Variants in ZFHX3 observed in about 807,000 individuals in gnomAD.
The protein encoded by ZFHX3 is zinc finger homeobox protein 3.
Under a neutral mutation model 279.1 loss-of-function variants are expected in ZFHX3, and 42 were observed. That is an observed-to-expected ratio of 0.15 (90% CI 0.12 to 0.19). The LOEUF (loss-of-function observed/expected upper bound fraction) is 0.19, where lower values mean the gene tolerates loss of function less well. Among genes scored for constraint, ZFHX3 ranks in the 10% least tolerant of loss-of-function variants. ZFHX3 has a pLI of 1.00. For synonymous variants in ZFHX3, 2,293 were observed against 1,957.8 expected (o/e 1.17, Z -4.52); for missense variants, 4,981 against 4,754.0 (o/e 1.05, Z -1.40).
intron 3 of ZFHX3, among the ~76,000 whole-genome samples, chr16:72,910,900 T>C (rs2039300696): frequency 6.6e-6 from 1 of 152,180 alleles, no homozygotes; most frequent in Non-Finnish European, 1.5e-5. Context: ...CCACACCAGT[T>C]ACCCACTTCT....
intron 3 of ZFHX3, among the ~76,000 whole-genome samples, chr16:73,360,062 G>T (rs1163054596): frequency 6.6e-6 from 1 of 152,168 alleles, no homozygotes; most frequent in Non-Finnish European, 1.5e-5. Flanking sequence ...TTTGAATCCT[G>T]AGTTATCACT....
At position 72,797,772 on chromosome 16, in the gene ZFHX3, T is replaced by A; in HGVS notation, c.4910A>T (p.Asn1637Ile). Residue 1637 changes from asparagine (N) to isoleucine (I), a missense_variant, in exon 9 of 10, where the codon AAT becomes ATT. Transcript: ENST00000268489. Reference protein sequence around the residue: ...AKLEAASGSSNGTGNSSSISL... With the variant: ...AKLEAASGSSIGTGNSSSISL... The stretch of plus-strand genomic sequence containing the variant: ...AATACTGCTGCTGTTCCCAGTCCCA[T>A]TGCTGCTGCCACTTGCAGCCTCCAG... 1.2e-6 allele frequency: 2 copies of A among 1,614,132 alleles called. No homozygotes were observed. Among genetic ancestry groups the A allele is most frequent in the Non-Finnish European group, 1.7e-6 (2 of 1,180,022 alleles).
chr16:73,090,467 G>A (rs1966059673), intron 8 of ZFHX3, among the ~76,000 whole-genome samples: 1 of 152,212 alleles, frequency 6.6e-6, no homozygotes, highest in Non-Finnish European at 1.5e-5. Context: ...AAAGTATTCT[G>A]AGCTCAGGGA....
In ZFHX3 at chr16:73,287,615, A is replaced by AGTGTGTGGCTGTGTGGATTG. The variant is rs1415409751; in HGVS notation, c.-1193-30499_-1193-30480dup. 1.1e-3 allele frequency among the ~76,000 whole-genome samples: 98 copies of AGTGTGTGGCTGTGTGGATTG among 86,562 alleles called. 1 individual carries two copies. Among genetic ancestry groups the AGTGTGTGGCTGTGTGGATTG allele is most frequent in the African/African-American group, 4.3e-3 (92 of 21,482 alleles). 56.8% of individuals were successfully genotyped at this position (86,562 alleles called of 152,430 possible). On this transcript the variant is annotated intron_variant, in intron 4 of 17. Transcript: ENST00000641206. ...GAGTGGCTGTGTGGGTGTGTGGGTC[A>AGTGTGTGGCTGTGTGGATTG]GTGTGTGGCTGTGTGGATTGGTGTG...
intron 2 of ZFHX3, among the ~76,000 whole-genome samples, chr16:73,465,934 C>T (rs1238130424): frequency 6.6e-6 from 1 of 152,048 alleles, no homozygotes; most frequent in Non-Finnish European, 1.5e-5. Flanking sequence ...ACCCCCACTC[C>T]CACCCCACCC....
At position 72,793,151 on chromosome 16, in the gene ZFHX3, T is replaced by C; in HGVS notation, c.9427+104A>G. ...CTTTTAAAGAACTAGAAAGGTAAGC[T>C]TCCCATCTGCCCAGCACTCAGAGGG... On this transcript the variant is annotated intron_variant, in intron 9 of 9. Coordinates refer to ENST00000268489, the MANE Select transcript of ZFHX3 (RefSeq NM_006885.4). This position sits in a 1 kb window ranked among gnomAD's most constrained non-coding sequence, Gnocchi z 4.3. 6.6e-7 allele frequency: 1 copy of C among 1,505,822 alleles called. No homozygotes were observed. Among genetic ancestry groups the C allele is most frequent in the Non-Finnish European group, 8.9e-7 (1 of 1,128,818 alleles). The allele number at this position is 1,505,822 out of a possible 1,614,324, so 93.3% of individuals were successfully genotyped here. A position where few individuals can be genotyped will look rare whatever the true frequency, so the allele number is the denominator to read the frequency against.
chr16:73,444,145 A>G (rs1223375906), intron 3 of ZFHX3, among the ~76,000 whole-genome samples: 1 of 152,178 alleles, frequency 6.6e-6, no homozygotes, highest in Admixed American at 6.5e-5. Flanking sequence ...TCCTCAATAA[A>G]ATATTAGACA....
intron 5 of ZFHX3, among the ~76,000 whole-genome samples, chr16:72,818,633 A>G (rs891692413): frequency 2.0e-5 from 3 of 152,204 alleles, no homozygotes; most frequent in Non-Finnish European, 2.9e-5. Context: ...ATGCACGCAC[A>G]TGTTCACTCA....
intron 1 of ZFHX3, among the ~76,000 whole-genome samples, chr16:73,873,300 G>A (rs2029874222): frequency 6.8e-6 from 1 of 146,050 alleles, no homozygotes; most frequent in South Asian, 2.2e-4. Flanking sequence ...GTGGGTGGTA[G>A]TGGGTGGTGG....
chr16:73,372,139 G>A (rs1028346136), intron 3 of ZFHX3, among the ~76,000 whole-genome samples: 4 of 152,148 alleles, frequency 2.6e-5, no homozygotes, highest in Non-Finnish European at 4.4e-5. Flanking sequence ...CAGGTGATCC[G>A]GAGTTGAGAA....
At chr16:73,005,181 T>C (rs1448320963) in intron 1 of ZFHX3, among the ~76,000 whole-genome samples, 4 of 152,216 alleles carry the variant, frequency 2.6e-5, no homozygotes, top group Non-Finnish European at 5.9e-5. Flanking sequence ...ATCTGGTTTT[T>C]ATGAGGATTA....
chr16:73,197,310 A>G (rs1308951849), intron 5 of ZFHX3, among the ~76,000 whole-genome samples: 2 of 152,294 alleles, frequency 1.3e-5, no homozygotes, highest in East Asian at 3.9e-4. Flanking sequence ...GGAGGTGGGT[A>G]TTGCTATATC....
At chr16:72,912,446 A>C (rs1361738144) in intron 3 of ZFHX3, among the ~76,000 whole-genome samples, 1 of 152,242 alleles carries the variant, frequency 6.6e-6, no homozygotes, top group Non-Finnish European at 1.5e-5. Flanking sequence ...AATAAGTCTT[A>C]TGGAAGAGCC....
At chr16:73,739,573 T>G (rs2053636199) in intron 1 of ZFHX3, among the ~76,000 whole-genome samples, 1 of 152,204 alleles carries the variant, frequency 6.6e-6, no homozygotes, top group Non-Finnish European at 1.5e-5. Context: ...CCTTGGTTGT[T>G]CCTGCTTCCA....
intron 1 of ZFHX3, among the ~76,000 whole-genome samples, chr16:73,751,333 T>A (rs2053760152): frequency 6.6e-6 from 1 of 152,140 alleles, no homozygotes; most frequent in African/African-American, 2.4e-5. Context: ...AGTCATAAAC[T>A]AAATTAGGGA....
chr16:72,930,220 A>G (rs1374582148), intron 3 of ZFHX3, among the ~76,000 whole-genome samples: 3 of 151,140 alleles, frequency 2.0e-5, no homozygotes, highest in African/African-American at 2.5e-5. Flanking sequence ...CTCAGTCTCA[A>G]TAGATAAATA....
rs763716874 is a variant in ZFHX3, at chr16:72,959,468, G to A, written c.678C>T (p.Pro226=). Residue 226 remains proline (P), a synonymous_variant, in exon 2 of 10, where the codon CCC becomes CCT. Coordinates refer to ENST00000268489, the MANE Select transcript of ZFHX3 (RefSeq NM_006885.4). ...PNTSALAGLS[P]VLHSFRVFDV... ...CAAACACGCGGAAGCTGTGCAGGAC[G>A]GGGCTGAGCCCCGCCAGGGCTGAGG... is the stretch of plus-strand genomic sequence containing the variant. 63 of 1,614,154 alleles carry A rather than the reference G, an allele frequency of 3.9e-5. No individual in the cohort carries two copies. Among genetic ancestry groups the A allele is most frequent in the East Asian group, 6.7e-5 (3 of 44,896 alleles).
intron 4 of ZFHX3, among the ~76,000 whole-genome samples, chr16:73,284,549 A>G (rs1312952115): frequency 1.3e-5 from 2 of 152,198 alleles, no homozygotes; most frequent in African/African-American, 2.4e-5. Flanking sequence ...GCAATAACAT[A>G]TGTCACCGAG....
intron 1 of ZFHX3, among the ~76,000 whole-genome samples, chr16:73,787,031 T>C (rs1273538864): frequency 6.6e-6 from 1 of 152,226 alleles, no homozygotes; most frequent in Non-Finnish European, 1.5e-5. Flanking sequence ...GACATTTCTT[T>C]TGTGCCATAA....
Sources: allele counts gnomAD v4.1 joint callset (sites outside exome capture counted in the v4.1 genomes callset), GRCh38; gene constraint gnomAD v4.1.1; non-coding constraint Gnocchi (gnomAD v3.1); transcripts MANE v1.5; gene names NCBI Gene and HGNC (gene_info 2026-07-23, HGNC 2026-07-21).